CPNE4: variants seen among roughly 807,000 people sequenced by gnomAD.
The protein encoded by CPNE4 is copine-4.
In CPNE4, 25 loss-of-function variants were observed where a neutral mutation model predicts 67.9. The ratio of observed to expected loss-of-function variants is 0.37; its 90% CI spans 0.27 to 0.51. CPNE4 has a LOEUF of 0.51. Ranked by LOEUF, CPNE4 falls within the 20% of genes least tolerant of loss-of-function variation. CPNE4 has a pLI of 0.93. For synonymous variants in CPNE4, 242 were observed against 244.9 expected, an observed-to-expected ratio of 0.99 and a Z score of 0.11; for missense variants, 464 against 690.8, an observed-to-expected ratio of 0.67 and a Z score of 3.68.
At chr3:131,944,496 A>C (rs2071491410) in intron 1 of CPNE4, among the ~76,000 whole-genome samples, 1 of 152,128 alleles carries the variant, frequency 6.6e-6, no homozygotes, top group Non-Finnish European at 1.5e-5. Flanking sequence ...CCACAACAGC[A>C]GTAGCAGCAG....
intron 9 of CPNE4, among the ~76,000 whole-genome samples, chr3:131,579,040 G>A (rs1190092416): frequency 6.6e-6 from 1 of 152,148 alleles, no homozygotes; most frequent in African/African-American, 2.4e-5. Context: ...ATGCCATCAG[G>A]ACTTTCCTGG....
intron 2 of CPNE4, among the ~76,000 whole-genome samples, chr3:131,762,847 G>T (rs1200722251): frequency 5.3e-5 from 8 of 151,368 alleles, no homozygotes; most frequent in African/African-American, 9.7e-5. Flanking sequence ...TATCATGAGT[G>T]TCAGCAAAGG....
At chr3:131,789,993 C>A (rs996537560) in intron 2 of CPNE4, among the ~76,000 whole-genome samples, 1 of 152,198 alleles carries the variant, frequency 6.6e-6, no homozygotes, top group Admixed American at 6.5e-5. Context: ...TCCTTCTAAC[C>A]ACCTCCCCTT....
chr3:131,738,545 A>AT (rs2082289124), intron 2 of CPNE4, among the ~76,000 whole-genome samples: 1 of 152,220 alleles, frequency 6.6e-6, no homozygotes, highest in Non-Finnish European at 1.5e-5. Flanking sequence ...GAATGAACTC[A>AT]TTTTTAAGGT....
At chr3:131,574,938 C>G in intron 10 of CPNE4, 133 bp downstream of exon 10, 1 of 712,130 alleles carries the variant, frequency 1.4e-6, no homozygotes, top group South Asian at 1.7e-5. Flanking sequence ...CCATACGCTT[C>G]AACAATGAGA....
chr3:132,037,818 A>G, upstream of CPNE4: 1 of 542,912 alleles, frequency 1.8e-6, no homozygotes, highest in Non-Finnish European at 3.3e-6. Context: ...GCCAGGGAAC[A>G]AAAGGGAAGA....
intron 2 of CPNE4, among the ~76,000 whole-genome samples, chr3:131,837,116 G>A (rs1172527672): frequency 1.3e-5 from 2 of 152,142 alleles, no homozygotes; most frequent in East Asian, 1.9e-4. Context: ...GATCTCTCAT[G>A]TACTGTTGGT....
intron 1 of CPNE4, among the ~76,000 whole-genome samples, chr3:131,908,351 C>G (rs1221038117): frequency 6.6e-6 from 1 of 152,104 alleles, no homozygotes; most frequent in Non-Finnish European, 1.5e-5. Context: ...TACAACAAAG[C>G]AAAGGGAGAA....
At chr3:132,014,449 A>G (rs1288333404) in intron 1 of CPNE4, among the ~76,000 whole-genome samples, 1 of 152,166 alleles carries the variant, frequency 6.6e-6, no homozygotes, top group African/African-American at 2.4e-5. Context: ...GAGGAGGAGG[A>G]GGGAAAGAAA....
chr3:131,546,754 G>GTT (rs1378546940), intron 14 of CPNE4, among the ~76,000 whole-genome samples: 1 of 152,148 alleles, frequency 6.6e-6, no homozygotes, highest in Admixed American at 6.5e-5. Context: ...TTTTAGCCAT[G>GTT]TGAGTCCTGG....
At chr3:131,856,211 C>T (rs1194489111) in intron 2 of CPNE4, among the ~76,000 whole-genome samples, 4 of 151,768 alleles carry the variant, frequency 2.6e-5, no homozygotes, top group Non-Finnish European at 5.9e-5. Flanking sequence ...ATGTGTAGAA[C>T]CTAGAAAAAC....
intron 1 of CPNE4, among the ~76,000 whole-genome samples, chr3:131,980,196 A>G (rs1168525931): frequency 6.6e-6 from 1 of 152,186 alleles, no homozygotes; most frequent in South Asian, 2.1e-4. Flanking sequence ...TTTTGGATGA[A>G]TTTCCCAGGT....
At chr3:131,541,980 C>T (rs1054380369) in intron 15 of CPNE4, among the ~76,000 whole-genome samples, 2 of 152,132 alleles carry the variant, frequency 1.3e-5, no homozygotes, top group Non-Finnish European at 2.9e-5. Flanking sequence ...CTTATATACT[C>T]TTTTGAACTA....
chr3:131,928,605 G>A (rs1191549070), intron 1 of CPNE4, among the ~76,000 whole-genome samples: 3 of 152,136 alleles, frequency 2.0e-5, no homozygotes, highest in Non-Finnish European at 2.9e-5. Context: ...CAGACCTGAC[G>A]CTGTATTCAA....
chr3:131,942,269 A>G (rs1048097270), intron 1 of CPNE4, among the ~76,000 whole-genome samples: 3 of 152,060 alleles, frequency 2.0e-5, no homozygotes, highest in African/African-American at 7.2e-5. Flanking sequence ...TAATTTAAAA[A>G]ATTTAAAAGC....
At chr3:131,550,139 C>T (rs1189680347) in intron 13 of CPNE4, 59 bp from the exon 14 acceptor site, 6 of 1,560,132 alleles carry the variant, frequency 3.8e-6, no homozygotes, top group Non-Finnish European at 5.3e-6. Context: ...TATTTATAGC[C>T]AAACACACAC....
chr3:131,894,260 C>T (rs919156021), intron 2 of CPNE4, among the ~76,000 whole-genome samples: 1 of 151,762 alleles, frequency 6.6e-6, no homozygotes, highest in Non-Finnish European at 1.5e-5. Flanking sequence ...ACCTGATGGC[C>T]TTACTGCTGA....
In CPNE4 at chr3:131,613,878, A is replaced by G. The variant is rs72999292; in HGVS notation, c.682-26296T>C. Among the ~76,000 whole-genome samples, 684 of 152,256 alleles carry G rather than the reference A, an allele frequency of 4.5e-3. 5 individuals carry two copies. Among genetic ancestry groups the G allele is most frequent in the African/African-American group, 0.016 (654 of 41,540 alleles). On this transcript the variant is annotated intron_variant, in intron 7 of 15. Coordinates refer to ENST00000429747, the MANE Select transcript of CPNE4 (RefSeq NM_130808.3). ...TGGCCCTGAGTCAGGATTCTACAAGATATTTTTTTAAGCCCAAACATCATT... is the reference window on the plus strand; with the variant it reads ...TGGCCCTGAGTCAGGATTCTACAAGGTATTTTTTTAAGCCCAAACATCATT...
rs1426853964 is a variant in CPNE4 at position 131,550,049 on chromosome 3, G to A, written c.1200C>T (p.Ser400=). The change falls in exon 14 of 16, where the codon AGC becomes AGT. Residue 400 remains serine, a synonymous_variant. Coordinates refer to ENST00000429747, the MANE Select transcript of CPNE4 (RefSeq NM_130808.3). ...CGTAGAGTTGGAGCTTAGGAAGACAGCTCTGATAGGCTTCCACAACTCCTT... is the reference window on the plus strand; with the variant it reads ...CGTAGAGTTGGAGCTTAGGAAGACAACTCTGATAGGCTTCCACAACTCCTT... The part of the protein sequence containing the change: ...GIQGVVEAYQ[S]CLPKLQLYGP... The A allele has an allele frequency of 1.9e-6, 3 of 1,613,012 alleles. No individual in the cohort carries two copies. The highest frequency in any genetic ancestry group is 2.5e-6 in the Non-Finnish European group (3 of 1,179,378).
Sources: gnomAD v4.1 joint callset for allele counts (sites outside exome capture counted in the v4.1 genomes callset) on GRCh38, gnomAD v4.1.1 for gene constraint, MANE v1.5 for transcripts, NCBI Gene and HGNC (gene_info 2026-07-23, HGNC 2026-07-21) for gene names.